ADAMTS12: variants seen among roughly 807,000 people sequenced by gnomAD.
ADAMTS12 encodes A disintegrin and metalloproteinase with thrombospondin motifs 12.
A neutral mutation model predicts 167.8 loss-of-function variants in ADAMTS12; 118 were observed. The observed-to-expected ratio is 0.70, with a 90% CI of 0.61 to 0.82. The LOEUF (loss-of-function observed/expected upper bound fraction) is 0.82, where lower values mean the gene tolerates loss of function less well. Among genes scored for constraint, ADAMTS12 ranks in the 40% least tolerant of loss-of-function variants. ADAMTS12 has a pLI of 0.00. For synonymous variants in ADAMTS12, 704 were observed against 716.9 expected, an observed-to-expected ratio of 0.98 and a Z score of 0.29; for missense variants, 1,916 against 1,998.8, an observed-to-expected ratio of 0.96 and a Z score of 0.79.
At chr5:33,676,335 G>A (rs1309547530) in intron 5 of ADAMTS12, among the ~76,000 whole-genome samples, 1 of 152,124 alleles carries the variant, frequency 6.6e-6, no homozygotes, top group Non-Finnish European at 1.5e-5. Flanking sequence ...TGCACAATCT[G>A]ACCATGCTCT....
chr5:33,817,863 T>C (rs1163531954), intron 2 of ADAMTS12, among the ~76,000 whole-genome samples: 4 of 152,188 alleles, frequency 2.6e-5, no homozygotes, highest in Non-Finnish European at 5.9e-5. Flanking sequence ...CTTTTCCATT[T>C]AACATTATAT....
At chr5:33,557,970 A>G (rs539631877) in intron 20 of ADAMTS12, among the ~76,000 whole-genome samples, 1 of 152,034 alleles carries the variant, frequency 6.6e-6, no homozygotes, top group Admixed American at 6.6e-5. Context: ...GTGCCTGATG[A>G]TCTGTCACTG....
intron 14 of ADAMTS12, 91 bp downstream of exon 14, chr5:33,624,140 A>T: frequency 6.4e-7 from 1 of 1,559,854 alleles, no homozygotes; most frequent in Non-Finnish European, 8.7e-7. Flanking sequence ...CTGTTTAAAG[A>T]AATAAAAACA....
chr5:33,675,373 G>A (rs1579825212), intron 5 of ADAMTS12, among the ~76,000 whole-genome samples: 1 of 152,270 alleles, frequency 6.6e-6, no homozygotes, highest in East Asian at 1.9e-4. Flanking sequence ...GTAAAGGAGA[G>A]GGAAAGAAGC....
At chr5:33,778,332 T>C (rs1483694293) in intron 2 of ADAMTS12, among the ~76,000 whole-genome samples, 1 of 152,146 alleles carries the variant, frequency 6.6e-6, no homozygotes, top group African/African-American at 2.4e-5. Flanking sequence ...ACACAAGGAC[T>C]AATGAAACAA....
At chr5:33,737,452 T>C (rs73761510) in intron 3 of ADAMTS12, among the ~76,000 whole-genome samples, 2,590 of 152,294 alleles carry the variant, frequency 0.017, 75 homozygotes, top group African/African-American at 0.057. Context: ...GTCTGATAGG[T>C]ACAGAGTTTC....
At chr5:33,872,619 C>T (rs1019624394) in intron 2 of ADAMTS12, among the ~76,000 whole-genome samples, 1 of 151,758 alleles carries the variant, frequency 6.6e-6, no homozygotes, top group African/African-American at 2.4e-5. Flanking sequence ...AGACGCAAAA[C>T]CCCTCAAGCA....
chr5:33,781,187 T>C (rs1038646898), intron 2 of ADAMTS12, among the ~76,000 whole-genome samples: 2 of 152,038 alleles, frequency 1.3e-5, no homozygotes, highest in South Asian at 2.1e-4. Context: ...TAGATAGATA[T>C]AGATACAGAT....
chr5:33,786,906 G>A (rs990712790), intron 2 of ADAMTS12, among the ~76,000 whole-genome samples: 1 of 152,100 alleles, frequency 6.6e-6, no homozygotes, highest in Non-Finnish European at 1.5e-5. Context: ...CCTGCCTTTG[G>A]TGGGGATTCT....
At chr5:33,681,263 A>T (rs1489373478) in intron 5 of ADAMTS12, among the ~76,000 whole-genome samples, 1 of 152,206 alleles carries the variant, frequency 6.6e-6, no homozygotes, top group East Asian at 1.9e-4. Flanking sequence ...GATTGTTTTA[A>T]AAATAATCTA....
intron 16 of ADAMTS12, among the ~76,000 whole-genome samples, chr5:33,613,974 G>A (rs753628691): frequency 6.6e-6 from 1 of 152,122 alleles, no homozygotes; most frequent in Non-Finnish European, 1.5e-5. Context: ...GACACGTAAT[G>A]AAACATTCAA....
chr5:33,635,834 A>G (rs1740166396), intron 12 of ADAMTS12, among the ~76,000 whole-genome samples: 1 of 152,202 alleles, frequency 6.6e-6, no homozygotes, highest in Non-Finnish European at 1.5e-5. Flanking sequence ...GGTAGTAGCT[A>G]TTCAGGTTAG....
At chr5:33,744,181 A>G (rs747377072) in intron 3 of ADAMTS12, among the ~76,000 whole-genome samples, 25 of 152,212 alleles carry the variant, frequency 1.6e-4, no homozygotes, top group Non-Finnish European at 2.1e-4. Flanking sequence ...AGGGAAAGAC[A>G]TAGGCAGATA....
intron 2 of ADAMTS12, among the ~76,000 whole-genome samples, chr5:33,777,283 A>T (rs1190480882): frequency 2.0e-5 from 3 of 152,164 alleles, no homozygotes; most frequent in Non-Finnish European, 2.9e-5. Context: ...CCTTAACAAA[A>T]TATTAGCAAA....
chr5:33,534,100 G>T (rs568583677), intron 23 of ADAMTS12, among the ~76,000 whole-genome samples: 1 of 152,296 alleles, frequency 6.6e-6, no homozygotes, highest in South Asian at 2.1e-4. Context: ...CCAACCTATA[G>T]GAGCTCCTTT....
Position 33,595,975 on chromosome 5 carries a change from A to T in ADAMTS12, c.2613T>A (p.Asn871Lys), listed in dbSNP as rs372031030. ...TTTCATGGCACTTCTTCTGTCTCCC[A>T]TTGGGCTGTGTTTCTGGGTCACAGA... Reference protein sequence around the residue: ...ATFCDPETQPNGRQKKCHEKA... With the variant: ...ATFCDPETQPKGRQKKCHEKA... Residue 871 changes from asparagine (N) to lysine (K), a missense_variant, in exon 17 of 24, where the codon AAT becomes AAA. By Grantham distance (94) the Asn-to-Lys change is moderately conservative (BLOSUM62 0). Transcript: ENST00000504830. The T allele has an allele frequency of 5.6e-6, 9 of 1,613,928 alleles. No individual in the cohort carries two copies. The highest frequency in any genetic ancestry group is 6.8e-6 in the Non-Finnish European group (8 of 1,179,978).
rs558051263 is a variant in ADAMTS12, at chr5:33,582,566, G to A, written c.2866-5406C>T. Among the ~76,000 whole-genome samples, 8 of 152,286 alleles carry A rather than the reference G, an allele frequency of 5.3e-5. No individual in the cohort carries two copies. In the South Asian group the frequency reaches 8.3e-4, roughly 16 times the overall value. On this transcript the variant is annotated intron_variant, in intron 18 of 23. Coordinates refer to ENST00000504830, the MANE Select transcript of ADAMTS12 (RefSeq NM_030955.4). ...GCCAGAGAGCTCATTTGTGAACATC[G>A]GCATTCGGTCTATTTGGTCACTCTG...
intron 2 of ADAMTS12, among the ~76,000 whole-genome samples, chr5:33,779,145 C>G (rs933003403): frequency 6.6e-6 from 1 of 151,082 alleles, no homozygotes; most frequent in African/African-American, 2.4e-5. Flanking sequence ...ATCCATCAAT[C>G]TCACTTCTGG....
intron 2 of ADAMTS12, among the ~76,000 whole-genome samples, chr5:33,849,713 CAATATATAGTATCTATATATGTATTGCAT>C (rs1749144738): frequency 2.8e-5 from 4 of 143,826 alleles, no homozygotes; most frequent in African/African-American, 7.8e-5. Flanking sequence ...TATTGCATAG[CAATATATAGTATCTATATATGTATTGCAT>C]AGCAATATAT....
Sources: allele counts gnomAD v4.1 joint callset (sites outside exome capture counted in the v4.1 genomes callset), GRCh38; gene constraint gnomAD v4.1.1; transcripts MANE v1.5; gene names NCBI Gene and HGNC (gene_info 2026-07-23, HGNC 2026-07-21).